Variants in MAPK1IP1L observed in about 807,000 individuals in gnomAD.
The protein encoded by MAPK1IP1L is MAPK-interacting and spindle-stabilizing protein-like.
MAPK1IP1L carries 10 observed loss-of-function variants against 18.1 expected under a neutral mutation model. That is an observed-to-expected ratio of 0.55 (90% CI 0.34 to 0.94). MAPK1IP1L has a LOEUF of 0.94. Among genes scored for constraint, MAPK1IP1L ranks in the 40% least tolerant of loss-of-function variants. MAPK1IP1L has a pLI of 0.02. For synonymous variants in MAPK1IP1L, 115 were observed against 117.3 expected (o/e 0.98, Z 0.13); for missense variants, 260 against 318.2 (o/e 0.82, Z 1.39).
chr14:55,060,067 A>G (rs2042804048), intron 1 of MAPK1IP1L, among the ~76,000 whole-genome samples: 2 of 151,262 alleles, frequency 1.3e-5, no homozygotes, highest in East Asian at 3.9e-4. Flanking sequence ...GAAAACATTG[A>G]TAGATTTGAT....
intron 1 of MAPK1IP1L, among the ~76,000 whole-genome samples, chr14:55,054,790 A>C (rs1379369373): frequency 1.3e-5 from 2 of 152,122 alleles, no homozygotes; most frequent in Non-Finnish European, 2.9e-5. Flanking sequence ...CAACTCTCTT[A>C]ACCACCCTCC....
intron 1 of MAPK1IP1L, among the ~76,000 whole-genome samples, chr14:55,052,082 A>G (rs1419897981): frequency 6.6e-6 from 1 of 151,560 alleles, no homozygotes; most frequent in Non-Finnish European, 1.5e-5. Flanking sequence ...GCCTGACGTC[A>G]GGTCTGGCTG....
At chr14:55,058,808 G>A (rs148374342) in intron 1 of MAPK1IP1L, among the ~76,000 whole-genome samples, 2,413 of 151,612 alleles carry the variant, frequency 0.016, 22 homozygotes, top group Middle Eastern at 0.027. Flanking sequence ...CTCTAGCCTG[G>A]GCAACAGAGT....
rs1224651520 is a variant in MAPK1IP1L at position 55,069,383 on chromosome 14, CCTG to C, written c.*4763_*4765del. 1.3e-5 allele frequency: 2 copies of C among 152,568 alleles called. No homozygotes were observed. The highest frequency in any genetic ancestry group is 4.8e-5 in the African/African-American group (2 of 41,436). The allele number at this position is 152,568 out of a possible 1,614,324, so 9.5% of individuals were successfully genotyped here. ...CAGTTTGAGATACTAGGTTTTATCA[CCTG>C]CTGCTGTATTTGTAAACAAAGACAA... On this transcript the variant is annotated 3_prime_UTR_variant, in exon 4 of 4. Coordinates refer to ENST00000395468, the MANE Select transcript of MAPK1IP1L (RefSeq NM_144578.4).
intron 1 of MAPK1IP1L, among the ~76,000 whole-genome samples, chr14:55,052,139 C>T (rs1368744692): frequency 7.0e-6 from 1 of 142,562 alleles, no homozygotes; most frequent in African/African-American, 2.6e-5. Context: ...CCCTTCCCGG[C>T]GGGCGCGACC....
chr14:55,062,568 C>G, intron 2 of MAPK1IP1L, 50 bp from the exon 3 acceptor site: 1 of 1,441,426 alleles, frequency 6.9e-7, no homozygotes, highest in South Asian at 1.3e-5. Context: ...TAATGGTGTT[C>G]GATGTAACTT....
chr14:55,055,288 C>T (rs2042762475), intron 1 of MAPK1IP1L, among the ~76,000 whole-genome samples: 1 of 152,218 alleles, frequency 6.6e-6, no homozygotes, highest in East Asian at 1.9e-4. Context: ...TTTAGAAAAC[C>T]TAAACTTTTT....
chr14:55,061,561 A>C, intron 1 of MAPK1IP1L, 119 bp from the exon 2 acceptor site: 1 of 689,212 alleles, frequency 1.5e-6, no homozygotes, highest in Non-Finnish European at 2.4e-6. Context: ...TTACATAAAT[A>C]AGATTCCGCT....
intron 1 of MAPK1IP1L, among the ~76,000 whole-genome samples, chr14:55,053,181 A>C (rs1012623725): frequency 6.6e-6 from 1 of 152,212 alleles, no homozygotes; most frequent in Non-Finnish European, 1.5e-5. Flanking sequence ...AGGTTTTGCT[A>C]TATTCCAGGC....
At position 55,062,950 on chromosome 14, in the gene MAPK1IP1L, T is replaced by A. The variant is rs754935994; in HGVS notation, c.351T>A (p.Pro117=). The change falls in exon 3 of 4, where the codon CCT becomes CCA. Residue 117 remains proline, a synonymous_variant. Coordinates refer to ENST00000395468, the MANE Select transcript of MAPK1IP1L (RefSeq NM_144578.4). Reference sequence around the variant, plus strand: ...GCCCTGGCCCCACAGGGCCATATCCTACACCAAATATGCCCTTTCCAGAGC... The same window carrying A: ...GCCCTGGCCCCACAGGGCCATATCCAACACCAAATATGCCCTTTCCAGAGC... ...VPGPGPTGPY[P]TPNMPFPELP... 1 of 1,613,612 alleles carries A rather than the reference T, an allele frequency of 6.2e-7. No individual in the cohort carries two copies. The highest frequency in any genetic ancestry group is 1.7e-5 in the Admixed American group (1 of 60,004).
At position 55,070,050 on chromosome 14, in the gene MAPK1IP1L, T is replaced by C. The variant is rs1318733424; in HGVS notation, c.*5423T>C. 6.6e-6 allele frequency: 1 copy of C among 152,258 alleles called. No homozygotes were observed. Among genetic ancestry groups the C allele is most frequent in the East Asian group, 1.9e-4 (1 of 5,204 alleles). 9.4% of individuals were successfully genotyped at this position (152,258 alleles called of 1,614,324 possible). On this transcript the variant is annotated 3_prime_UTR_variant, in exon 4 of 4. Coordinates refer to ENST00000395468, the MANE Select transcript of MAPK1IP1L (RefSeq NM_144578.4). ...TGCAGTGCTACTTTTGGAAGGAATT[T>C]CTGCTTTTTGCCTTATGATTGGACA...
At chr14:55,061,784 T>C (rs2042820021) in intron 2 of MAPK1IP1L, 83 bp downstream of exon 2, 1 of 1,152,538 alleles carries the variant, frequency 8.7e-7, no homozygotes, top group East Asian at 2.6e-5. Flanking sequence ...GTAAATCTTT[T>C]CACTTAAAAG....
intron 1 of MAPK1IP1L, among the ~76,000 whole-genome samples, chr14:55,053,520 C>T (rs2042746645): frequency 6.6e-6 from 1 of 152,130 alleles, no homozygotes. Context: ...TTTTAAACTG[C>T]GTGCTTTTTA....
chr14:55,062,998 C>T lies in MAPK1IP1L; in HGVS notation c.399C>T (p.Pro133=), dbSNP rs2042830627. Residue 133 remains proline (P), a synonymous_variant, in exon 3 of 4, where the codon CCC becomes CCT. Transcript: ENST00000395468. ...AGCTACCCAGACCATATGGTGCACC[C>T]ACAGATCCAGCTGCAGCTGGTCCTT... ...FPELPRPYGA[P]TDPAAAGPLG... is the part of the protein sequence containing the mutation. 3 of 1,613,840 alleles carry T rather than the reference C, an allele frequency of 1.9e-6. No homozygotes were observed. The highest frequency in any genetic ancestry group is 1.3e-5 in the African/African-American group (1 of 75,048).
In MAPK1IP1L at chr14:55,058,949, G is replaced by A. The variant is rs193051827; in HGVS notation, c.-4-2731G>A. On this transcript the variant is annotated intron_variant, in intron 1 of 3. Transcript: ENST00000395468. ...TAAATAATATAGAGATGATTTATAC[G>A]GGAAGATGTGCATAGGTTATATGCA... 9.9e-5 allele frequency among the ~76,000 whole-genome samples: 15 copies of A among 151,484 alleles called. No individual in the cohort carries two copies. The East Asian group carries it at 1.7e-3, about 18-fold the overall frequency.
Position 55,068,374 on chromosome 14 carries a change from CTG to C in MAPK1IP1L, c.*3749_*3750del, listed in dbSNP as rs770612908. ...ACTCTCAAATATACAGCTTTTGAAA[CTG>C]TAGATGAAAAAAGCTCTACTCAGAG... On this transcript the variant is annotated 3_prime_UTR_variant, in exon 4 of 4. Coordinates refer to ENST00000395468, the MANE Select transcript of MAPK1IP1L (RefSeq NM_144578.4). 7 of 152,684 alleles carry C rather than the reference CTG, an allele frequency of 4.6e-5. No homozygotes were observed. The highest frequency in any genetic ancestry group is 2.1e-4 in the South Asian group (1 of 4,826). 9.5% of individuals were successfully genotyped at this position (152,684 alleles called of 1,614,324 possible). A position where few individuals can be genotyped will look rare whatever the true frequency, so the allele number is the denominator to read the frequency against.
At chr14:55,060,577 GAGTACCTAC>G (rs1240997808) in intron 1 of MAPK1IP1L, 1 of 152,198 alleles carries the variant, frequency 6.6e-6, no homozygotes, top group Non-Finnish European at 1.5e-5. Flanking sequence ...CAAAGGCAAA[GAGTACCTAC>G]AGTCTTTTAT....
At chr14:55,059,313 AT>A (rs1195863096) in intron 1 of MAPK1IP1L, among the ~76,000 whole-genome samples, 1 of 151,936 alleles carries the variant, frequency 6.6e-6, no homozygotes, top group East Asian at 1.9e-4. Context: ...TTAAAATGGA[AT>A]GGTACAGTTG....
intron 1 of MAPK1IP1L, among the ~76,000 whole-genome samples, chr14:55,059,164 G>A (rs1958852534): frequency 7.6e-6 from 1 of 131,088 alleles, no homozygotes. Context: ...CAACCAGAAT[G>A]CTAACACATT....
Sources: gnomAD v4.1 joint callset for allele counts (sites outside exome capture counted in the v4.1 genomes callset) on GRCh38, gnomAD v4.1.1 for gene constraint, MANE v1.5 for transcripts, NCBI Gene and HGNC (gene_info 2026-07-23, HGNC 2026-07-21) for gene names.